The following ZAN variants were observed in gnomAD, a reference collection of about 807,000 sequenced individuals.
ZAN encodes zonadhesin (gene/pseudogene).
In ZAN, 260 loss-of-function variants were observed where a neutral mutation model predicts 286.2. The observed-to-expected ratio is 0.91, with a 90% CI of 0.82 to 1.01. The LOEUF (loss-of-function observed/expected upper bound fraction) is 1.01, where lower values mean the gene tolerates loss of function less well. Among genes scored for constraint, ZAN ranks in the 50% least tolerant of loss-of-function variants. The probability of loss-of-function intolerance (pLI) is 0.00; values close to 1 mark genes in which losing one functional copy is unlikely to be tolerated. For synonymous variants in ZAN, 1,368 were observed against 1,417.5 expected (o/e 0.97, Z 0.79); for missense variants, 3,410 against 3,639.2 (o/e 0.94, Z 1.62).
chr7:100,769,649 A>T (rs895400735), intron 27 of ZAN, among the ~76,000 whole-genome samples: 2 of 151,592 alleles, frequency 1.3e-5, no homozygotes, highest in Non-Finnish European at 2.9e-5. Context: ...GGCTCAAGCC[A>T]TCCTCCCACC....
At chr7:100,768,057 G>C in intron 26 of ZAN, 46 bp downstream of exon 26, 1 of 1,573,276 alleles carries the variant, frequency 6.4e-7, no homozygotes, top group Admixed American at 1.8e-5. Context: ...CAATGAGTAG[G>C]CGTGTGACCT....
At chr7:100,745,344 G>A (rs986929946) in intron 7 of ZAN, among the ~76,000 whole-genome samples, 2 of 151,594 alleles carry the variant, frequency 1.3e-5, no homozygotes. Context: ...GTGAGCGCGC[G>A]CCAGGCAAGA....
chr7:100,741,000 C>A (rs1584547050), intron 7 of ZAN, among the ~76,000 whole-genome samples: 1 of 12,596 alleles, frequency 7.9e-5, no homozygotes, highest in Non-Finnish European at 1.3e-4. Flanking sequence ...ACCTCCCTCC[C>A]GGACGGGGCG....
chr7:100,752,258 C>A lies in ZAN; in HGVS notation c.2153C>A (p.Thr718Asn), dbSNP rs757692829. 6 of 1,592,928 alleles carry A rather than the reference C, an allele frequency of 3.8e-6. No homozygotes were observed. The South Asian group carries it at 6.7e-5, about 18-fold the overall frequency. The change falls in exon 14 of 48, where the codon ACC becomes AAC. Residue 718 changes from threonine (T) to asparagine (N), a missense_variant. Thr to Asn is a moderately conservative substitution (Grantham distance 65). Transcript: ENST00000613979. The part of the protein sequence containing the change: ...EKPTISPEKP[T>N]IPTEKPTIPT... ...CCCACCATCTCCCCAGAAAAACCCACCATCCCCACAGAAAAACCCACCATC... is the reference window on the plus strand; with the variant it reads ...CCCACCATCTCCCCAGAAAAACCCAACATCCCCACAGAAAAACCCACCATC...
At chr7:100,785,167 G>A (rs1463476399) in intron 36 of ZAN, among the ~76,000 whole-genome samples, 2 of 151,224 alleles carry the variant, frequency 1.3e-5, no homozygotes, top group African/African-American at 2.4e-5. Context: ...CTGTAAAATG[G>A]GTTCAGTAGT....
At chr7:100,746,485 G>T in intron 7 of ZAN, 53 bp from the exon 8 acceptor site, 1 of 1,599,014 alleles carries the variant, frequency 6.3e-7, no homozygotes, top group East Asian at 2.2e-5. Flanking sequence ...TATCTCTGCT[G>T]CCATCTTCCC....
Position 100,767,222 on chromosome 7 carries a change from C to T in ZAN, c.4825C>T (p.Leu1609Phe). 2.5e-6 allele frequency: 4 copies of T among 1,612,572 alleles called. No individual in the cohort carries two copies. The highest frequency in any genetic ancestry group is 1.6e-4 in the Middle Eastern group (1 of 6,062). ...AGCCGTCCACGTGACAGTCTTTGAC[C>T]TCAGCATCTCACTGCTCAGAGGCTG... Reference protein sequence around the residue: ...IKAVHVTVFDLSISLLRGCKV... With the variant: ...IKAVHVTVFDFSISLLRGCKV... Residue 1609 changes from leucine to phenylalanine, a missense_variant, in exon 25 of 48, where the codon CTC (leucine) becomes TTC (phenylalanine). By Grantham distance (22) the Leu-to-Phe change is conservative. Around this residue, in one of 7 missense-constraint regions of ZAN, gnomAD observed 1,042 missense variants for 1,058.0 expected, o/e 0.98. Coordinates refer to ENST00000613979, the MANE Select transcript of ZAN (RefSeq NM_003386.3).
chr7:100,768,132 A>G, intron 26 of ZAN, 121 bp downstream of exon 26: 1 of 1,266,568 alleles, frequency 7.9e-7, no homozygotes, highest in Non-Finnish European at 1.1e-6. Flanking sequence ...TAATTCGTTG[A>G]GGACATTAGG....
At chr7:100,742,890 G>A (rs1379358475) in intron 7 of ZAN, among the ~76,000 whole-genome samples, 1 of 58,832 alleles carries the variant, frequency 1.7e-5, no homozygotes, top group Non-Finnish European at 4.4e-5. Context: ...GGAGGGGGAG[G>A]GGGACGGGGA....
chr7:100,750,824 C>T lies in ZAN; in HGVS notation c.1449C>T (p.Arg483=), dbSNP rs377496556. 13 of 1,602,088 alleles carry T rather than the reference C, an allele frequency of 8.1e-6. No homozygotes were observed. Among genetic ancestry groups the T allele is most frequent in the African/African-American group, 4.0e-5 (3 of 74,770 alleles). Residue 483 remains arginine (R), a synonymous_variant, in exon 12 of 48, where the codon CGC becomes CGT. Transcript: ENST00000613979. ...AGSPPIPLWK[R]VGSQRPYWQN... is the part of the protein sequence containing the mutation. ...GTCCCCCGATTCCTCTCTGGAAACG[C>T]GTGGGGTCTCAGCGCCCTTACTGGC...
Position 100,787,978 on chromosome 7 carries a change from C to A in ZAN, c.7069C>A (p.Leu2357Met). 1.4e-6 allele frequency: 2 copies of A among 1,405,824 alleles called. No homozygotes were observed. 87.1% of individuals were successfully genotyped at this position (1,405,824 alleles called of 1,614,324 possible). Residue 2357 changes from leucine to methionine, a missense_variant, in exon 38 of 48, where the codon CTG becomes ATG. By Grantham distance (15) the Leu-to-Met change is conservative. This residue lies in a region of ZAN where 1,289 missense variants were observed against 1,314.3 expected (regional missense o/e 0.98). Coordinates refer to ENST00000613979, the MANE Select transcript of ZAN (RefSeq NM_003386.3). ...YRLQGRMTYVLIKTVDVLPEG... is the reference protein window; with the variant it reads ...YRLQGRMTYVMIKTVDVLPEG... ...CTTGCAAGGCCGCATGACCTATGTT[C>A]TGATCAAGACTGTGGACGTACTGCC...
chr7:100,737,330 C>G lies in ZAN; in HGVS notation c.594C>G (p.Arg198=). The part of the protein sequence containing the change: ...LDIALDALSI[R]RGSCNRVCMM... ...TCGCCCTGGATGCCCTCTCTATCCGCCGGGGCTCCTGTAATCGCGGTGAGT... is the reference window on the plus strand; with the variant it reads ...TCGCCCTGGATGCCCTCTCTATCCGGCGGGGCTCCTGTAATCGCGGTGAGT... Residue 198 remains arginine, a synonymous_variant, in exon 6 of 48, where the codon CGC becomes CGG. Transcript: ENST00000613979. The G allele has an allele frequency of 1.4e-6, 2 of 1,475,832 alleles. No homozygotes were observed. Among genetic ancestry groups the G allele is most frequent in the Non-Finnish European group, 1.8e-6 (2 of 1,082,138 alleles). 91.4% of individuals were successfully genotyped at this position (1,475,832 alleles called of 1,614,324 possible). A position where few individuals can be genotyped will look rare whatever the true frequency, so the allele number is the denominator to read the frequency against.
chr7:100,783,747 A>AT (rs1811343658), intron 35 of ZAN, among the ~76,000 whole-genome samples: 5 of 24,102 alleles, frequency 2.1e-4, no homozygotes, highest in Non-Finnish European at 3.1e-4. Context: ...AAAAAAAAAA[A>AT]AAAAAAAAAA....
chr7:100,757,159 G>GT (rs561510292), intron 15 of ZAN, among the ~76,000 whole-genome samples: 136 of 147,138 alleles, frequency 9.2e-4, no homozygotes, highest in Middle Eastern at 7.1e-3. Flanking sequence ...GTTTTTTGGG[G>GT]TTTTTTTTTT....
At chr7:100,772,556 T>C (rs1810444363) in intron 29 of ZAN, among the ~76,000 whole-genome samples, 1 of 152,054 alleles carries the variant, frequency 6.6e-6, no homozygotes, top group South Asian at 2.1e-4. Flanking sequence ...GCGCGGTGGC[T>C]CATGCCTGTA....
In ZAN at chr7:100,751,886, C is replaced by A. The variant is rs1321406548; in HGVS notation, c.1781C>A (p.Pro594His). Residue 594 changes from proline to histidine, a missense_variant, in exon 14 of 48, where the codon CCC becomes CAC. Pro to His is a moderately conservative substitution (Grantham distance 77). Transcript: ENST00000613979. ...PTVPKEKPTI[P>H]TEKPTISTEK... ...GTCCCCAAAGAAAAGCCCACCATTCCCACAGAAAAACCCACCATCTCCACA... is the reference window on the plus strand; with the variant it reads ...GTCCCCAAAGAAAAGCCCACCATTCACACAGAAAAACCCACCATCTCCACA... 17 of 1,613,408 alleles carry A rather than the reference C, an allele frequency of 1.1e-5. No individual in the cohort carries two copies. In the South Asian group the frequency reaches 1.5e-4, roughly 15 times the overall value.
intron 35 of ZAN, among the ~76,000 whole-genome samples, chr7:100,781,035 G>A (rs946683645): frequency 6.6e-6 from 1 of 151,928 alleles, no homozygotes; most frequent in African/African-American, 2.4e-5. Context: ...TTTTGCCAGT[G>A]TTTCATAAGA....
intron 11 of ZAN, among the ~76,000 whole-genome samples, chr7:100,750,204 T>C (rs992814047): frequency 4.0e-5 from 6 of 151,548 alleles, no homozygotes; most frequent in Non-Finnish European, 5.9e-5. Flanking sequence ...TGACGTGATC[T>C]TGGCTCACTG....
intron 26 of ZAN, 81 bp from the exon 27 acceptor site, chr7:100,768,528 AG>A: frequency 8.8e-7 from 1 of 1,138,322 alleles, no homozygotes; most frequent in Non-Finnish European, 1.2e-6. Flanking sequence ...ATGAAAAGTG[AG>A]GGTGCCAGGA....
Sources: gnomAD v4.1 joint callset for allele counts (sites outside exome capture counted in the v4.1 genomes callset) on GRCh38, gnomAD v4.1.1 for gene constraint, gnomAD v4.1.1 regional missense constraint, MANE v1.5 for transcripts, NCBI Gene and HGNC (gene_info 2026-07-23, HGNC 2026-07-21) for gene names.